Variants in ASCC3 observed in about 807,000 individuals in gnomAD.
ASCC3 encodes ASC-1 complex subunit P200.
ASCC3 carries 158 observed loss-of-function variants against 256.3 expected under a neutral mutation model. The ratio of observed to expected loss-of-function variants is 0.62; its 90% CI spans 0.54 to 0.70. ASCC3 has a LOEUF of 0.70. ASCC3 is among the 30% of genes least tolerant of loss of function. The pLI is 0.00. For synonymous variants in ASCC3, 948 were observed against 883.4 expected, an observed-to-expected ratio of 1.07 and a Z score of -1.30; for missense variants, 2,259 against 2,626.0, an observed-to-expected ratio of 0.86 and a Z score of 3.05.
At chr6:100,594,103 CT>C (rs1772151278) in intron 34 of ASCC3, among the ~76,000 whole-genome samples, 2 of 152,012 alleles carry the variant, frequency 1.3e-5, no homozygotes, top group Admixed American at 6.6e-5. Context: ...ACAAGTTTTA[CT>C]TTTGGTGTGC....
rs1775404152 is a variant in ASCC3, at chr6:100,646,789, T to C, written c.3479-20A>G. ...TGTGACCTGCAAGAAAAATATCACA[T>C]AGAAGAAATGTGTCCAGGCAGAAAA... On this transcript the variant is annotated intron_variant, in intron 21 of 41. Coordinates refer to ENST00000369162, the MANE Select transcript of ASCC3 (RefSeq NM_006828.4). 6.2e-7 allele frequency: 1 copy of C among 1,611,966 alleles called. No homozygotes were observed. The highest frequency in any genetic ancestry group is 8.5e-7 in the Non-Finnish European group (1 of 1,178,512).
At chr6:100,839,598 C>T (rs1258659972) in intron 4 of ASCC3, among the ~76,000 whole-genome samples, 1 of 152,074 alleles carries the variant, frequency 6.6e-6, no homozygotes, top group Non-Finnish European at 1.5e-5. Context: ...CCACAAATCA[C>T]AACAAAAGTG....
intron 30 of ASCC3, among the ~76,000 whole-genome samples, chr6:100,616,339 G>A (rs536894687): frequency 6.6e-6 from 1 of 152,320 alleles, no homozygotes; most frequent in African/African-American, 2.4e-5. Flanking sequence ...TATTAAGCAT[G>A]TGAAAACACT....
At chr6:100,850,536 A>C (rs576137103) in intron 3 of ASCC3, among the ~76,000 whole-genome samples, 1 of 152,326 alleles carries the variant, frequency 6.6e-6, no homozygotes, top group Non-Finnish European at 1.5e-5. Flanking sequence ...CCCAGGCCTC[A>C]CTGACACCAG....
chr6:100,827,748 T>C (rs1330901158), intron 4 of ASCC3, among the ~76,000 whole-genome samples: 2 of 152,168 alleles, frequency 1.3e-5, no homozygotes, highest in African/African-American at 2.4e-5. Context: ...TTTTCCTTTT[T>C]ATGTTTTCCA....
chr6:100,876,494 G>A (rs1358599020), intron 1 of ASCC3, among the ~76,000 whole-genome samples: 1 of 152,210 alleles, frequency 6.6e-6, no homozygotes, highest in Non-Finnish European at 1.5e-5. Flanking sequence ...GTGGGACAAT[G>A]AAGCCTAAAT....
At chr6:100,737,235 T>C (rs2115061802) in intron 10 of ASCC3, among the ~76,000 whole-genome samples, 1 of 152,148 alleles carries the variant, frequency 6.6e-6, no homozygotes, top group South Asian at 2.1e-4. Flanking sequence ...CAAAGTTTTT[T>C]TTTTTTTAAG....
At chr6:100,633,228 T>A (rs992724218) in intron 25 of ASCC3, among the ~76,000 whole-genome samples, 1 of 152,146 alleles carries the variant, frequency 6.6e-6, no homozygotes, top group Non-Finnish European at 1.5e-5. Flanking sequence ...ACTGTCCCAC[T>A]CAATTCAGCC....
Position 100,661,995 on chromosome 6 carries a change from A to G in ASCC3, c.2514T>C (p.Phe838=), listed in dbSNP as rs1242570994. The G allele has an allele frequency of 5.6e-6, 9 of 1,613,312 alleles. No homozygotes were observed. Among genetic ancestry groups the G allele is most frequent in the Non-Finnish European group, 7.6e-6 (9 of 1,179,454 alleles). Residue 838 remains phenylalanine (F), a synonymous_variant, in exon 16 of 42, where the codon TTT becomes TTC. Coordinates refer to ENST00000369162, the MANE Select transcript of ASCC3 (RefSeq NM_006828.4). ...TGACATCTAAAATTCCAAGGTCAACAAAGGAGCCTCTTTTTGCAGCATATA... is the reference window on the plus strand; with the variant it reads ...TGACATCTAAAATTCCAAGGTCAACGAAGGAGCCTCTTTTTGCAGCATATA... ...TQIYAAKRGS[F]VDLGILDVMQ...
intron 4 of ASCC3, among the ~76,000 whole-genome samples, chr6:100,830,114 G>A (rs776480345): frequency 4.6e-5 from 7 of 151,768 alleles, no homozygotes; most frequent in East Asian, 1.9e-4. Context: ...TAATATTTTC[G>A]GAATGTGGCT....
At chr6:100,760,650 T>C (rs1243639842) in intron 10 of ASCC3, among the ~76,000 whole-genome samples, 6 of 152,164 alleles carry the variant, frequency 3.9e-5, no homozygotes, top group Admixed American at 2.0e-4. Flanking sequence ...TAAAGCCTAA[T>C]AGAAAGTTCA....
At chr6:100,705,478 T>A (rs1019117415) in intron 13 of ASCC3, among the ~76,000 whole-genome samples, 2 of 152,038 alleles carry the variant, frequency 1.3e-5, no homozygotes, top group African/African-American at 4.8e-5. Flanking sequence ...GAGTCATAGT[T>A]CTTTTGTTTT....
intron 10 of ASCC3, among the ~76,000 whole-genome samples, chr6:100,751,620 G>T (rs1218326257): frequency 1.6e-4 from 24 of 151,780 alleles, no homozygotes; most frequent in Admixed American, 1.5e-3. Context: ...ACACCAAAAA[G>T]TTTTGCTGTA....
intron 10 of ASCC3, among the ~76,000 whole-genome samples, chr6:100,731,625 A>T (rs1334773757): frequency 6.6e-6 from 1 of 152,200 alleles, no homozygotes; most frequent in Non-Finnish European, 1.5e-5. Context: ...TTGTGGTAGC[A>T]ACTTGTCCTG....
At chr6:100,609,015 G>A (rs140051030) in intron 30 of ASCC3, among the ~76,000 whole-genome samples, 2,314 of 150,680 alleles carry the variant, frequency 0.015, 23 homozygotes, top group East Asian at 0.046. Flanking sequence ...GCCCGTCTCG[G>A]CCTCCCAAAG....
chr6:100,827,532 T>C (rs541191098), intron 4 of ASCC3, among the ~76,000 whole-genome samples: 4 of 152,312 alleles, frequency 2.6e-5, no homozygotes, highest in African/African-American at 9.6e-5. Context: ...TATCACTGAA[T>C]CATATTCTAT....
intron 3 of ASCC3, among the ~76,000 whole-genome samples, chr6:100,856,097 A>G (rs763321145): frequency 6.6e-6 from 1 of 152,206 alleles, no homozygotes; most frequent in Non-Finnish European, 1.5e-5. Flanking sequence ...AAAAGGCAAC[A>G]AATGTGAAGA....
intron 8 of ASCC3, among the ~76,000 whole-genome samples, chr6:100,771,072 T>C (rs1781894896): frequency 6.6e-6 from 1 of 152,082 alleles, no homozygotes; most frequent in South Asian, 2.1e-4. Flanking sequence ...AGCAAGGTAT[T>C]TACATAAATA....
rs1317078745 is a variant in ASCC3 at position 100,756,139 on chromosome 6, T to C, written c.1737+10426A>G. Among the ~76,000 whole-genome samples, 3 of 152,054 alleles carry C rather than the reference T, an allele frequency of 2.0e-5. No individual in the cohort carries two copies. The East Asian group carries it at 5.8e-4, about 29-fold the overall frequency. On this transcript the variant is annotated intron_variant, in intron 10 of 41. Coordinates refer to ENST00000369162, the MANE Select transcript of ASCC3 (RefSeq NM_006828.4). ...CAAAAAACCACTAGTGATTTAAAATTGGTTTGAGTGAATGTTTATTTTCAC... is the reference window on the plus strand; with the variant it reads ...CAAAAAACCACTAGTGATTTAAAATCGGTTTGAGTGAATGTTTATTTTCAC...
Sources: allele counts gnomAD v4.1 joint callset (sites outside exome capture counted in the v4.1 genomes callset), GRCh38; gene constraint gnomAD v4.1.1; transcripts MANE v1.5; gene names NCBI Gene and HGNC (gene_info 2026-07-23, HGNC 2026-07-21).